Variants in ERO1A observed in about 807,000 individuals in gnomAD.
ERO1A encodes endoplasmic reticulum oxidoreductase 1 alpha.
ERO1A carries 49 observed loss-of-function variants against 76.9 expected under a neutral mutation model. The ratio of observed to expected loss-of-function variants is 0.64; its 90% CI spans 0.51 to 0.81. The LOEUF (loss-of-function observed/expected upper bound fraction) is 0.81, where lower values mean the gene tolerates loss of function less well. ERO1A is among the 30% of genes least tolerant of loss of function. The probability of loss-of-function intolerance (pLI) is 0.00; values close to 1 mark genes in which losing one functional copy is unlikely to be tolerated. For missense variants in ERO1A, 448 were observed against 542.1 expected (o/e 0.83, Z 1.72); for synonymous variants, 174 against 181.2 (o/e 0.96, Z 0.32).
At chr14:52,674,188 G>C (rs562016526) in intron 4 of ERO1A, among the ~76,000 whole-genome samples, 3 of 152,204 alleles carry the variant, frequency 2.0e-5, no homozygotes, top group African/African-American at 7.2e-5. Context: ...TTTACTTTCA[G>C]TCTATCGATT....
chr14:52,691,304 C>T (rs990838515), intron 1 of ERO1A, among the ~76,000 whole-genome samples: 1 of 152,182 alleles, frequency 6.6e-6, no homozygotes. Context: ...AGGCACCATC[C>T]TAAGGACCTA....
chr14:52,671,459 T>C (rs537251032), intron 6 of ERO1A, 171 bp downstream of exon 6: 5 of 505,662 alleles, frequency 9.9e-6, no homozygotes, highest in Non-Finnish European at 1.8e-5. Context: ...TGGGTCTTAC[T>C]ATGTTGCCCA....
intron 15 of ERO1A, among the ~76,000 whole-genome samples, chr14:52,644,284 T>C (rs1426764250): frequency 6.6e-6 from 1 of 151,920 alleles, no homozygotes; most frequent in Non-Finnish European, 1.5e-5. Flanking sequence ...CAAAACCTTC[T>C]CTCTATGAAA....
intron 13 of ERO1A, among the ~76,000 whole-genome samples, chr14:52,650,846 A>G (rs1221170312): frequency 6.6e-6 from 1 of 152,222 alleles, no homozygotes; most frequent in Non-Finnish European, 1.5e-5. Context: ...ATACTCAGAG[A>G]TGGTCTTGCC....
intron 15 of ERO1A, 106 bp downstream of exon 15, chr14:52,646,048 A>G: frequency 7.8e-7 from 1 of 1,281,364 alleles, no homozygotes; most frequent in Middle Eastern, 2.6e-4. Context: ...AAATAAATAA[A>G]CAAATAAAAT....
chr14:52,666,913 A>C lies in ERO1A; in HGVS notation c.509-418T>G, dbSNP rs77044862. Among the ~76,000 whole-genome samples the C allele has an allele frequency of 6.9e-3, 1,050 of 152,372 alleles. 13 individuals carry two copies. Among genetic ancestry groups the C allele is most frequent in the Admixed American group, 0.036 (546 of 15,306 alleles). On this transcript the variant is annotated intron_variant, in intron 6 of 15. Coordinates refer to ENST00000395686, the MANE Select transcript of ERO1A (RefSeq NM_014584.3). ...GCCACTGTGCTCCAGCTTGGGTGAC[A>C]GAGCGAGACTCCGTCTCAGAAAAGA... is the stretch of plus-strand genomic sequence containing the variant.
At chr14:52,653,414 G>A (rs989872298) in intron 11 of ERO1A, 99 bp from the exon 12 acceptor site, 12 of 935,156 alleles carry the variant, frequency 1.3e-5, no homozygotes, top group Admixed American at 2.8e-5. Flanking sequence ...ATTTCATTTT[G>A]CATTTTAAGT....
rs182684252 is a variant in ERO1A, at chr14:52,676,678, G to A, written c.357+1756C>T. On this transcript the variant is annotated intron_variant, in intron 4 of 15. Transcript: ENST00000395686. ...TCTTGTTGGTCATCTTTGTATTAAA[G>A]TCAGAACTCTATTTAGCATACACAT... 2.6e-3 allele frequency among the ~76,000 whole-genome samples: 392 copies of A among 152,212 alleles called. 3 individuals are homozygous for A. Among genetic ancestry groups the A allele is most frequent in the African/African-American group, 8.9e-3 (370 of 41,542 alleles).
intron 8 of ERO1A, among the ~76,000 whole-genome samples, chr14:52,663,496 A>C (rs930423459): frequency 4.0e-5 from 6 of 151,304 alleles, no homozygotes; most frequent in African/African-American, 1.5e-4. Context: ...GCTACTGAGG[A>C]GGCTGCGGCA....
rs573990058 is a variant in ERO1A, at chr14:52,652,429, C to T, written c.1056-121G>A. On this transcript the variant is annotated intron_variant, in intron 12 of 15. Coordinates refer to ENST00000395686, the MANE Select transcript of ERO1A (RefSeq NM_014584.3). The stretch of plus-strand genomic sequence containing the variant: ...AGAAAACATAGTAAAACCAACACTC[C>T]GATGCCCCAAATCAAATTCTTATCC... 43 of 612,360 alleles carry T rather than the reference C, an allele frequency of 7.0e-5. 1 individual carries two copies. Among genetic ancestry groups the T allele is most frequent in the African/African-American group, 3.8e-4 (21 of 54,694 alleles). The allele number at this position is 612,360 out of a possible 1,614,324, so 37.9% of individuals were successfully genotyped here.
Position 52,657,960 on chromosome 14 carries a change from A to G in ERO1A, c.765T>C (p.His255=), listed in dbSNP as rs773115400. The G allele has an allele frequency of 1.9e-5, 31 of 1,612,740 alleles. 1 individual carries two copies. In the Middle Eastern group the frequency reaches 9.9e-4, roughly 52 times the overall value. ...CACTCAAATGCACATTAATGCTTGC[A>G]TGTAGGCCAGATATAAGTCTGTAGA... The part of the protein sequence containing the change: ...RAFYRLISGL[H]ASINVHLSAR... Residue 255 remains histidine (H), a synonymous_variant, in exon 11 of 16, where the codon CAT becomes CAC. Coordinates refer to ENST00000395686, the MANE Select transcript of ERO1A (RefSeq NM_014584.3).
chr14:52,667,592 C>T (rs201368774), intron 6 of ERO1A, among the ~76,000 whole-genome samples: 18 of 151,906 alleles, frequency 1.2e-4, no homozygotes, highest in African/African-American at 3.9e-4. Context: ...CATCATGGCA[C>T]GTGCCTGTGG....
chr14:52,645,897 G>A (rs1393654762), intron 15 of ERO1A, among the ~76,000 whole-genome samples: 2 of 151,362 alleles, frequency 1.3e-5, no homozygotes, highest in South Asian at 2.1e-4. Context: ...TTAGCCAGGC[G>A]TGGTGTCACG....
At chr14:52,682,995 G>T (rs2041049694) in intron 2 of ERO1A, among the ~76,000 whole-genome samples, 1 of 151,898 alleles carries the variant, frequency 6.6e-6, no homozygotes, top group South Asian at 2.1e-4. Flanking sequence ...GTTACCTGAG[G>T]TCAGGAGTTC....
At chr14:52,694,190 C>T (rs926515058) in intron 1 of ERO1A, among the ~76,000 whole-genome samples, 3 of 151,282 alleles carry the variant, frequency 2.0e-5, no homozygotes, top group African/African-American at 7.3e-5. Flanking sequence ...CTCGGTGTTG[C>T]GTTATATTTC....
rs1366968299 is a variant in ERO1A at position 52,695,489 on chromosome 14, C to T, written c.-8G>A. On this transcript the variant is annotated 5_prime_UTR_variant, in exon 1 of 16. Transcript: ENST00000395686. ...TCCCCAGCCGCGGCCCATTGCAGCT[C>T]CGGCAGCTTGTCGCCCCACGCTTGG... 4 of 1,493,286 alleles carry T rather than the reference C, an allele frequency of 2.7e-6. No homozygotes were observed. The highest frequency in any genetic ancestry group is 3.6e-6 in the Non-Finnish European group (4 of 1,115,964). The allele number at this position is 1,493,286 out of a possible 1,614,324, so 92.5% of individuals were successfully genotyped here. A position where few individuals can be genotyped will look rare whatever the true frequency, so the allele number is the denominator to read the frequency against.
At chr14:52,690,435 T>C (rs760813756) in intron 1 of ERO1A, among the ~76,000 whole-genome samples, 1 of 152,044 alleles carries the variant, frequency 6.6e-6, no homozygotes, top group Non-Finnish European at 1.5e-5. Flanking sequence ...AAAAAACAAA[T>C]AACCCAATTA....
chr14:52,656,717 A>C (rs1207336500), intron 11 of ERO1A, among the ~76,000 whole-genome samples: 1 of 151,734 alleles, frequency 6.6e-6, no homozygotes, highest in Non-Finnish European at 1.5e-5. Context: ...GTCTCAAAAA[A>C]AAAAAAAAAA....
chr14:52,645,822 G>T (rs1024992587), intron 15 of ERO1A, among the ~76,000 whole-genome samples: 10 of 149,302 alleles, frequency 6.7e-5, no homozygotes, highest in Admixed American at 6.1e-4. Context: ...TGGCCAACAT[G>T]GTGAAACCGT....
Sources: gnomAD v4.1 joint callset for allele counts (sites outside exome capture counted in the v4.1 genomes callset) on GRCh38, gnomAD v4.1.1 for gene constraint, MANE v1.5 for transcripts, NCBI Gene and HGNC (gene_info 2026-07-23, HGNC 2026-07-21) for gene names.